PSG7: variants seen among roughly 807,000 people sequenced by gnomAD.
PSG7 encodes pregnancy specific beta-1-glycoprotein 7.
In PSG7, 57 loss-of-function variants were observed where a neutral mutation model predicts 45.6. That is an observed-to-expected ratio of 1.25 (90% CI 1.01 to 1.56). The LOEUF (loss-of-function observed/expected upper bound fraction) is 1.56, where lower values mean the gene tolerates loss of function less well. Ranked by LOEUF, PSG7 falls within the 40% of genes most tolerant of loss-of-function variation. The pLI is 0.00. For synonymous variants in PSG7, 298 were observed against 194.4 expected, an observed-to-expected ratio of 1.53 and a Z score of -4.43; for missense variants, 796 against 508.4, an observed-to-expected ratio of 1.57 and a Z score of -5.44.
In PSG7 at chr19:42,928,633, T is replaced by G. The variant is rs559545891; in HGVS notation, c.709+809A>C. 5.3e-5 allele frequency among the ~76,000 whole-genome samples: 8 copies of G among 151,470 alleles called. 1 individual carries two copies. Among genetic ancestry groups the G allele is most frequent in the East Asian group, 1.9e-4 (1 of 5,134 alleles). ...AGAATGATCTAGAAAGAGTGAAGGG[T>G]ACAGGCAAAACCTGGTGGTTTTGGA... On this transcript the variant is annotated intron_variant, in intron 3 of 5. Coordinates refer to ENST00000406070, the MANE Select transcript of PSG7 (RefSeq NM_002783.3).
intron 1 of PSG7, among the ~76,000 whole-genome samples, chr19:42,935,985 G>A (rs1973145892): frequency 6.6e-6 from 1 of 150,764 alleles, no homozygotes; most frequent in Non-Finnish European, 1.5e-5. Flanking sequence ...CTAGGTCAAG[G>A]TCAGCAGCAT....
In PSG7 at chr19:42,926,532, G is replaced by T. The variant is rs1453441202; in HGVS notation, c.894C>A (p.Pro298=). 6.2e-7 allele frequency: 1 copy of T among 1,610,646 alleles called. No individual in the cohort carries two copies. Among genetic ancestry groups the T allele is most frequent in the Non-Finnish European group, 8.5e-7 (1 of 1,179,016 alleles). ...GTCCTGTTTCATTTCTCGTGACACT[G>T]GGTAGAATGAGGATCCTGTTTTCAA... ...RRIENRILIL[P]SVTRNETGPY... The change falls in exon 4 of 6, where the codon CCC becomes CCA. Residue 298 remains proline, a synonymous_variant. Transcript: ENST00000406070.
chr19:42,926,334 T>C (rs1178220774), intron 4 of PSG7, 104 bp downstream of exon 4: 14 of 1,562,646 alleles, frequency 9.0e-6, no homozygotes, highest in African/African-American at 2.7e-5. Context: ...TAAATATGTC[T>C]ATACTTGGAC....
chr19:42,934,273 A>C (rs116448940), intron 2 of PSG7, among the ~76,000 whole-genome samples: 2,475 of 151,430 alleles, frequency 0.016, 124 homozygotes, highest in African/African-American at 0.057. Context: ...GTGCAGACTA[A>C]TCAGGTGACC....
intron 2 of PSG7, among the ~76,000 whole-genome samples, chr19:42,934,471 CTG>C (rs1036407757): frequency 6.6e-6 from 1 of 151,562 alleles, no homozygotes; most frequent in African/African-American, 2.4e-5. Context: ...GGCTCAGTGA[CTG>C]TGCTTTCCTG....
Position 42,935,139 on chromosome 19 carries a change from T to C in PSG7, c.430+265A>G, listed in dbSNP as rs147252957. Among the ~76,000 whole-genome samples the C allele has an allele frequency of 8.3e-3, 1,258 of 151,948 alleles. 1 individual carries two copies. The highest frequency in any genetic ancestry group is 0.029 in the African/African-American group (1,211 of 41,438). ...ATGAAGAGGGCATGAGGTGCTTGGC[T>C]GAGACTGATCTCCTCCTGCTGAGTC... On this transcript the variant is annotated intron_variant, in intron 2 of 5. Transcript: ENST00000406070.
At chr19:42,933,524 C>A (rs1378336680) in intron 2 of PSG7, among the ~76,000 whole-genome samples, 5 of 148,946 alleles carry the variant, frequency 3.4e-5, no homozygotes, top group African/African-American at 1.2e-4. Context: ...GCAGGAGTGG[C>A]AACTCCAGGT....
chr19:42,936,803 A>G (rs1234634934), intron 1 of PSG7, among the ~76,000 whole-genome samples: 1 of 151,312 alleles, frequency 6.6e-6, no homozygotes, highest in African/African-American at 2.4e-5. Flanking sequence ...GCACACCACC[A>G]TACCTGGTTA....
In PSG7 at chr19:42,925,662, T is replaced by A. The variant is rs1431807125; in HGVS notation, c.1243+111A>T. On this transcript the variant is annotated intron_variant, in intron 5 of 5. Transcript: ENST00000406070. ...TTCAGGAGGAAAATTTGGGATTTGC[T>A]TGTGCCCATGGGACACAGGCTGGGA... 43 of 1,581,278 alleles carry A rather than the reference T, an allele frequency of 2.7e-5. 1 individual carries two copies. The highest frequency in any genetic ancestry group is 3.4e-5 in the Non-Finnish European group (39 of 1,164,022).
chr19:42,932,067 A>C (rs1403595858), intron 2 of PSG7, among the ~76,000 whole-genome samples: 1 of 151,164 alleles, frequency 6.6e-6, no homozygotes, highest in Non-Finnish European at 1.5e-5. Flanking sequence ...TTTGTCACCC[A>C]GGCTGGAGTG....
In PSG7 at chr19:42,924,726, A is replaced by G. The variant is rs367661452; in HGVS notation, c.*82T>C. ...ATTTACATTGAGTTGTCCAACTCTG[A>G]CTTATAGGGCTTCTGGAACAGAGTG... On this transcript the variant is annotated 3_prime_UTR_variant, in exon 6 of 6. Transcript: ENST00000406070. 2,104 of 766,636 alleles carry G rather than the reference A, an allele frequency of 2.7e-3. 137 individuals carry two copies. The highest frequency in any genetic ancestry group is 0.021 in the South Asian group (1,538 of 73,750). The allele number at this position is 766,636 out of a possible 1,614,324, so 47.5% of individuals were successfully genotyped here.
chr19:42,929,958 T>C (rs865908304), intron 2 of PSG7, among the ~76,000 whole-genome samples: 2 of 151,546 alleles, frequency 1.3e-5, no homozygotes, highest in Non-Finnish European at 2.9e-5. Flanking sequence ...AGCAGCAGCA[T>C]TGGGTCATGG....
chr19:42,929,817 C>T (rs1352823891), intron 2 of PSG7, 97 bp from the exon 3 acceptor site: 1 of 1,485,556 alleles, frequency 6.7e-7, no homozygotes, highest in Admixed American at 2.0e-5. Flanking sequence ...CCTCTCAGCC[C>T]ACCCAAGTCC....
rs397965905 is a variant in PSG7, at chr19:42,933,307, A to ATTTTTTTT, written c.430+2089_430+2096dup. Among the ~76,000 whole-genome samples, 65 of 13,502 alleles carry ATTTTTTTT rather than the reference A, an allele frequency of 4.8e-3. 9 individuals are homozygous for ATTTTTTTT. The highest frequency in any genetic ancestry group is 7.5e-3 in the African/African-American group (43 of 5,746). 8.9% of individuals were successfully genotyped at this position (13,502 alleles called of 152,430 possible). A position where few individuals can be genotyped will look rare whatever the true frequency, so the allele number is the denominator to read the frequency against. Reference sequence around the variant, plus strand: ...TATATATATATATATATATATATATATTTTTTTTTTTTTTTGGTGTATGTA... The same window carrying ATTTTTTTT: ...TATATATATATATATATATATATATATTTTTTTTTTTTTTTTTTTTTTTGGTGTATGTA... On this transcript the variant is annotated intron_variant, in intron 2 of 5. Coordinates refer to ENST00000406070, the MANE Select transcript of PSG7 (RefSeq NM_002783.3).
intron 3 of PSG7, among the ~76,000 whole-genome samples, chr19:42,928,668 T>C (rs963110193): frequency 3.3e-5 from 5 of 151,352 alleles, no homozygotes; most frequent in African/African-American, 9.7e-5. Flanking sequence ...AGCAGAAATA[T>C]ATTCCCTTTC....
intron 3 of PSG7, 65 bp downstream of exon 3, chr19:42,929,376 GC>G: frequency 3.1e-6 from 5 of 1,610,614 alleles, no homozygotes; most frequent in Non-Finnish European, 4.2e-6. Context: ...GGACTGAGAA[GC>G]CCGGCCTCTG....
In PSG7 at chr19:42,937,053, G is replaced by A; in HGVS notation, c.24C>T (p.Pro8=). 1 of 1,611,578 alleles carries A rather than the reference G, an allele frequency of 6.2e-7. No homozygotes were observed. The highest frequency in any genetic ancestry group is 8.5e-7 in the Non-Finnish European group (1 of 1,178,556). The change falls in exon 1 of 6, where the codon CCC becomes CCT. Residue 8 remains proline, a synonymous_variant. Transcript: ENST00000406070. Reference sequence around the variant, plus strand: ...CTTTCCAGGTTATATGCTGTGTGCAGGGAGGGGCTGAGAGGGGCCCCATGG... The same window carrying A: ...CTTTCCAGGTTATATGCTGTGTGCAAGGAGGGGCTGAGAGGGGCCCCATGG... The part of the protein sequence containing the change: MGPLSAP[P]CTQHITWKGL...
chr19:42,933,588 G>A (rs1160201579), intron 2 of PSG7, among the ~76,000 whole-genome samples: 1 of 150,300 alleles, frequency 6.7e-6, no homozygotes. Flanking sequence ...CAGTGTTAGC[G>A]GGAAGGGAAC....
rs369221539 is a variant in PSG7 at position 42,937,036 on chromosome 19, G to A, written c.41C>T (p.Thr14Ile). ...LSAPPCTQHI[T>I]WKGLLLTASL... ...ACCTGTGAGCAGGAGCCCTTTCCAG[G>A]TTATATGCTGTGTGCAGGGAGGGGC... The change falls in exon 1 of 6, where the codon ACC (threonine) becomes ATC (isoleucine). Residue 14 changes from threonine (T) to isoleucine (I), a missense_variant. Physicochemically the swap from Thr to Ile is moderately conservative, Grantham distance 89. Coordinates refer to ENST00000406070, the MANE Select transcript of PSG7 (RefSeq NM_002783.3). 1 of 1,611,514 alleles carries A rather than the reference G, an allele frequency of 6.2e-7. No homozygotes were observed. Among genetic ancestry groups the A allele is most frequent in the Admixed American group, 1.7e-5 (1 of 59,856 alleles).
Sources: allele counts gnomAD v4.1 joint callset (sites outside exome capture counted in the v4.1 genomes callset), GRCh38; gene constraint gnomAD v4.1.1; transcripts MANE v1.5; gene names NCBI Gene and HGNC (gene_info 2026-07-23, HGNC 2026-07-21).